The following CPQ variants were observed in gnomAD, a reference collection of about 807,000 sequenced individuals.
CPQ encodes the protein carboxypeptidase Q, also known as Ser-Met dipeptidase.
Under a neutral mutation model 45.7 loss-of-function variants are expected in CPQ, and 37 were observed. That is an observed-to-expected ratio of 0.81 (90% CI 0.62 to 1.07). The LOEUF is 1.07. CPQ is among the 50% of genes least tolerant of loss of function. The pLI is 0.00. For synonymous variants in CPQ, 186 were observed against 205.8 expected, an observed-to-expected ratio of 0.90 and a Z score of 0.82; for missense variants, 537 against 572.9, an observed-to-expected ratio of 0.94 and a Z score of 0.64.
chr8:96,719,080 C>A (rs949965664), intron 1 of CPQ, among the ~76,000 whole-genome samples: 1 of 152,234 alleles, frequency 6.6e-6, no homozygotes, highest in Non-Finnish European at 1.5e-5. Flanking sequence ...CTGTGCTGTG[C>A]GCTCGCACTC....
chr8:97,029,086 TATCTCACTG>T (rs896494964), intron 5 of CPQ, among the ~76,000 whole-genome samples: 5 of 152,234 alleles, frequency 3.3e-5, no homozygotes, highest in Non-Finnish European at 7.3e-5. Context: ...TATGATCTAA[TATCTCACTG>T]ATCTTGGCCA....
chr8:96,794,866 C>T (rs960681454), intron 2 of CPQ, among the ~76,000 whole-genome samples: 1 of 152,160 alleles, frequency 6.6e-6, no homozygotes, highest in Non-Finnish European at 1.5e-5. Flanking sequence ...CACCTTTGCT[C>T]CATTTCCCAA....
At position 97,143,298 on chromosome 8, in the gene CPQ, T is replaced by G; in HGVS notation, c.*115T>G. The G allele has an allele frequency of 2.2e-6, 2 of 925,930 alleles. No homozygotes were observed. Among genetic ancestry groups the G allele is most frequent in the Non-Finnish European group, 3.2e-6 (2 of 616,594 alleles). 57.4% of individuals were successfully genotyped at this position (925,930 alleles called of 1,614,324 possible). ...CCAATTCATCTTCAAAGCACAACTC[T>G]ATTTCATGCTTTCTGTTATTATCTT... On this transcript the variant is annotated 3_prime_UTR_variant, in exon 8 of 8. Transcript: ENST00000220763.
chr8:96,798,538 C>A (rs752714341), intron 2 of CPQ, among the ~76,000 whole-genome samples: 2 of 151,982 alleles, frequency 1.3e-5, no homozygotes, highest in Non-Finnish European at 2.9e-5. Context: ...CCGTAAGTAC[C>A]ACCTTGTGCT....
intron 1 of CPQ, among the ~76,000 whole-genome samples, chr8:96,656,422 ACTT>A (rs1815638362): frequency 6.6e-6 from 1 of 152,036 alleles, no homozygotes; most frequent in Admixed American, 6.6e-5. Flanking sequence ...GGGTGGTACT[ACTT>A]TTTTGGTTCA....
chr8:97,023,442 C>T (rs184652079), intron 5 of CPQ, among the ~76,000 whole-genome samples: 47 of 151,976 alleles, frequency 3.1e-4, no homozygotes, highest in Middle Eastern at 3.4e-3. Context: ...ACTCATGTAA[C>T]CAAACACCAC....
At chr8:96,775,564 C>T (rs1810594417) in intron 1 of CPQ, among the ~76,000 whole-genome samples, 1 of 152,052 alleles carries the variant, frequency 6.6e-6, no homozygotes, top group Admixed American at 6.6e-5. Flanking sequence ...AAGTTCTGCA[C>T]AAAACACAGC....
intron 2 of CPQ, among the ~76,000 whole-genome samples, chr8:96,829,572 A>G (rs1811423815): frequency 6.6e-6 from 1 of 152,088 alleles, no homozygotes; most frequent in Non-Finnish European, 1.5e-5. Flanking sequence ...ATCACTGTAA[A>G]TGAATAGGTG....
In CPQ at chr8:97,123,015, AAAATAAAAT is replaced by A. The variant is rs1214076859; in HGVS notation, c.1256-19992_1256-19984del. 6.5e-3 allele frequency among the ~76,000 whole-genome samples: 362 copies of A among 55,890 alleles called. 20 individuals carry two copies. The highest frequency in any genetic ancestry group is 0.011 in the Admixed American group (37 of 3,290). 36.7% of individuals were successfully genotyped at this position (55,890 alleles called of 152,430 possible). ...AATAAAATAAAATATAAAATAAAAT[AAAATAAAAT>A]AAATAAAATAAAATAAAATAAATAA... On this transcript the variant is annotated intron_variant, in intron 7 of 7. Coordinates refer to ENST00000220763, the MANE Select transcript of CPQ (RefSeq NM_016134.4).
intron 4 of CPQ, among the ~76,000 whole-genome samples, chr8:96,921,367 T>A (rs1563529414): frequency 1.3e-5 from 2 of 152,194 alleles, no homozygotes; most frequent in South Asian, 4.1e-4. Context: ...AAAGAGAGCA[T>A]TTTTATTTAT....
intron 7 of CPQ, among the ~76,000 whole-genome samples, chr8:97,111,383 C>T (rs895676520): frequency 3.3e-5 from 5 of 152,154 alleles, no homozygotes; most frequent in Non-Finnish European, 5.9e-5. Context: ...GATGAGATGA[C>T]GGCCTCCCTC....
At chr8:97,059,460 T>A (rs975658668) in intron 6 of CPQ, among the ~76,000 whole-genome samples, 1 of 152,134 alleles carries the variant, frequency 6.6e-6, no homozygotes, top group African/African-American at 2.4e-5. Context: ...TATCATCCCT[T>A]TCCTGGCTCT....
At chr8:97,124,542 A>C (rs1421720814) in intron 7 of CPQ, among the ~76,000 whole-genome samples, 1 of 152,204 alleles carries the variant, frequency 6.6e-6, no homozygotes, top group Admixed American at 6.5e-5. Context: ...AAAGCTTCTC[A>C]ACAAATTTAA....
Position 96,785,200 on chromosome 8 carries a change from GA to G in CPQ, c.306del (p.Val103PhefsTer6). On this transcript the variant is annotated frameshift_variant, in exon 2 of 8. Coordinates refer to ENST00000220763, the MANE Select transcript of CPQ (RefSeq NM_016134.4). LOFTEE classifies it high-confidence loss of function. ...YQNLQQDGLE[K>X]VHLEPVRIPH... is the part of the protein sequence containing the mutation. Reference sequence around the variant, plus strand: ...AAAACCTGCAGCAAGATGGGCTGGAGAAAGTTCACCTGGAGCCAGTGAGAAT... The same window carrying G: ...AAAACCTGCAGCAAGATGGGCTGGAGAAGTTCACCTGGAGCCAGTGAGAAT... 1 of 1,613,630 alleles carries G rather than the reference GA, an allele frequency of 6.2e-7. No homozygotes were observed. The highest frequency in any genetic ancestry group is 1.1e-5 in the South Asian group (1 of 91,080).
chr8:96,859,629 T>C (rs1286117883), intron 3 of CPQ, among the ~76,000 whole-genome samples: 2 of 152,334 alleles, frequency 1.3e-5, no homozygotes, highest in East Asian at 3.9e-4. Flanking sequence ...AACTTTCTAA[T>C]GTCCTTAAAT....
At chr8:96,881,641 G>C (rs1330729613) in intron 4 of CPQ, among the ~76,000 whole-genome samples, 1 of 152,142 alleles carries the variant, frequency 6.6e-6, no homozygotes, top group African/African-American at 2.4e-5. Flanking sequence ...CAGCTAAGTA[G>C]GCAGCTAAGA....
At chr8:96,689,906 T>C (rs938640154) in intron 1 of CPQ, among the ~76,000 whole-genome samples, 1 of 152,160 alleles carries the variant, frequency 6.6e-6, no homozygotes, top group Admixed American at 6.5e-5. Context: ...TTTATTCTGA[T>C]CACTTTTTAA....
intron 3 of CPQ, among the ~76,000 whole-genome samples, chr8:96,847,766 TTAAAA>T (rs1182433719): frequency 1.3e-5 from 2 of 152,022 alleles, no homozygotes; most frequent in Non-Finnish European, 2.9e-5. Context: ...CTGTTAATTG[TTAAAA>T]TAAGTGAGCA....
chr8:96,700,286 A>C (rs1461881112), intron 1 of CPQ, among the ~76,000 whole-genome samples: 1 of 152,146 alleles, frequency 6.6e-6, no homozygotes, highest in Non-Finnish European at 1.5e-5. Flanking sequence ...AGAAGAAGAC[A>C]GAGAAAATCC....
Sources: allele counts gnomAD v4.1 joint callset (sites outside exome capture counted in the v4.1 genomes callset), GRCh38; gene constraint gnomAD v4.1.1; transcripts MANE v1.5; gene names NCBI Gene and HGNC (gene_info 2026-07-23, HGNC 2026-07-21).